The following LRP2 variants were observed in gnomAD, a reference collection of about 807,000 sequenced individuals.
LRP2 encodes low-density lipoprotein receptor-related protein 2.
LRP2 carries 172 observed loss-of-function variants against 531.0 expected under a neutral mutation model. The observed-to-expected ratio is 0.32, with a 90% CI of 0.29 to 0.37. The LOEUF (loss-of-function observed/expected upper bound fraction) is 0.37, where lower values mean the gene tolerates loss of function less well. Ranked by LOEUF, LRP2 falls within the 10% of genes least tolerant of loss-of-function variation. The probability of loss-of-function intolerance (pLI) is 1.00; values close to 1 mark genes in which losing one functional copy is unlikely to be tolerated. For missense variants in LRP2, 5,167 were observed against 5,868.3 expected (o/e 0.88, Z 3.90); for synonymous variants, 1,992 against 2,027.6 (o/e 0.98, Z 0.47).
At position 169,193,761 on chromosome 2, in the gene LRP2, G is replaced by A. The variant is rs956340396; in HGVS notation, c.8830C>T (p.Gln2944Ter). ...MSDEDKRHQC[Q>*]NQNCSDSEFL... ...AGAGGAATTAATTGGCTTCACTTAC[G>A]ACACTGGTGCCTTTTATCCTCGTCA... Residue 2944 changes from glutamine to a stop codon, truncating the protein, a stop_gained and splice_region_variant, in exon 47 of 79, where the codon CAG (glutamine) becomes TAG (stop). Coordinates refer to ENST00000649046, the MANE Select transcript of LRP2 (RefSeq NM_004525.3). LOFTEE classifies it high-confidence loss of function. 1.2e-6 allele frequency: 2 copies of A among 1,614,062 alleles called. No individual in the cohort carries two copies. The highest frequency in any genetic ancestry group is 1.7e-6 in the Non-Finnish European group (2 of 1,179,994).
chr2:169,145,373 A>T (rs1040692759), intron 70 of LRP2, among the ~76,000 whole-genome samples: 1 of 152,238 alleles, frequency 6.6e-6, no homozygotes, highest in Admixed American at 6.5e-5. Context: ...AATGGGAAGG[A>T]TAAGATTTCT....
chr2:169,154,813 A>C (rs1342565133), intron 65 of LRP2, among the ~76,000 whole-genome samples: 1 of 152,170 alleles, frequency 6.6e-6, no homozygotes, highest in Non-Finnish European at 1.5e-5. Context: ...TGGAAAGCTA[A>C]TATGTCTCTT....
intron 4 of LRP2, among the ~76,000 whole-genome samples, chr2:169,299,147 GAAAGAAAGAAAAAAAGAAAGAA>G (rs1559064006): frequency 6.8e-5 from 3 of 43,952 alleles, no homozygotes; most frequent in Non-Finnish European, 1.1e-4. Flanking sequence ...AAGAAAGAAA[GAAAGAAAGAAAAAAAGAAAGAA>G]AGAAAAAGAA....
intron 41 of LRP2, among the ~76,000 whole-genome samples, chr2:169,205,033 T>C (rs969846717): frequency 2.7e-5 from 4 of 146,284 alleles, no homozygotes; most frequent in Non-Finnish European, 5.9e-5. Context: ...AGAAAAGAAT[T>C]TTCTTTTTTT....
In LRP2 at chr2:169,308,892, T is replaced by C. The variant is rs546845078; in HGVS notation, c.311-1495A>G. Reference sequence around the variant, plus strand: ...CATCCTCTCCAGCACCTGTTGTTTCTTGACTTTTTAATGATCACCATTCTA... The same window carrying C: ...CATCCTCTCCAGCACCTGTTGTTTCCTGACTTTTTAATGATCACCATTCTA... On this transcript the variant is annotated intron_variant, in intron 3 of 78. Transcript: ENST00000649046. Among the ~76,000 whole-genome samples, 323 of 151,800 alleles carry C rather than the reference T, an allele frequency of 2.1e-3. 1 individual carries two copies. Among genetic ancestry groups the C allele is most frequent in the Non-Finnish European group, 3.6e-3 (242 of 68,016 alleles).
At chr2:169,137,636 A>G (rs1423697830) in intron 75 of LRP2, 143 bp from the exon 76 acceptor site, 6 of 579,604 alleles carry the variant, frequency 1.0e-5, no homozygotes, top group Non-Finnish European at 1.5e-5. Flanking sequence ...TAAGTTACCC[A>G]AAAGAGAACT....
rs1163006597 is a variant in LRP2 at position 169,211,394 on chromosome 2, TGTAAGCACAAA to T, written c.6280+563_6280+573del. On this transcript the variant is annotated intron_variant, in intron 37 of 78. Transcript: ENST00000649046. Reference sequence around the variant, plus strand: ...GTGATCGTTTCATACATTCACAGTATGTAAGCACAAAGTGCTGCAAAAATATGATTACTAAA... The same window carrying T: ...GTGATCGTTTCATACATTCACAGTATGTGCTGCAAAAATATGATTACTAAA... Among the ~76,000 whole-genome samples the T allele has an allele frequency of 3.4e-4, 52 of 152,344 alleles. 1 individual carries two copies. The highest frequency in any genetic ancestry group is 1.6e-4 in the Non-Finnish European group (11 of 68,036).
intron 38 of LRP2, among the ~76,000 whole-genome samples, chr2:169,209,130 T>C (rs1688504514): frequency 6.6e-6 from 1 of 152,262 alleles, no homozygotes; most frequent in Non-Finnish European, 1.5e-5. Flanking sequence ...ATTTAGAAAA[T>C]TTCTAATGCA....
At chr2:169,182,426 T>C in intron 50 of LRP2, 107 bp from the exon 51 acceptor site, 1 of 1,591,228 alleles carries the variant, frequency 6.3e-7, no homozygotes, top group Non-Finnish European at 8.5e-7. Flanking sequence ...AGACAGTTGT[T>C]AGAAGTCACC....
chr2:169,294,412 A>G, intron 5 of LRP2, 151 bp from the exon 6 acceptor site: 1 of 759,294 alleles, frequency 1.3e-6, no homozygotes, highest in Non-Finnish European at 2.4e-6. Context: ...TTATCCAGGA[A>G]CAAAAAGGCC....
chr2:169,254,445 A>C (rs1690214975), intron 19 of LRP2, among the ~76,000 whole-genome samples: 1 of 71,274 alleles, frequency 1.4e-5, no homozygotes, highest in Non-Finnish European at 2.5e-5. Flanking sequence ...TTGAACAATG[A>C]GATCACATGG....
intron 63 of LRP2, among the ~76,000 whole-genome samples, chr2:169,160,001 T>A (rs1364206009): frequency 6.6e-6 from 1 of 152,198 alleles, no homozygotes; most frequent in Admixed American, 6.5e-5. Context: ...TTGTTTTCAT[T>A]TGAAAATGAT....
intron 15 of LRP2, chr2:169,271,650 C>G: frequency 1.2e-5 from 5 of 406,090 alleles, no homozygotes; most frequent in Non-Finnish European, 1.6e-5. Flanking sequence ...CACACACACA[C>G]ACACAGAAAC....
intron 48 of LRP2, among the ~76,000 whole-genome samples, chr2:169,188,966 C>G (rs1476713199): frequency 6.6e-6 from 1 of 152,152 alleles, no homozygotes; most frequent in East Asian, 1.9e-4. Flanking sequence ...GCATGGCATA[C>G]TGGCAAAGGA....
In LRP2 at chr2:169,198,908, T is replaced by A. The variant is rs1688094173; in HGVS notation, c.8456A>T (p.Asp2819Val). 1.2e-6 allele frequency: 2 copies of A among 1,613,348 alleles called. No individual in the cohort carries two copies. Among genetic ancestry groups the A allele is most frequent in the Non-Finnish European group, 1.7e-6 (2 of 1,179,580 alleles). ...NNTSDEKNCP[D>V]RTCQSGYTKC... is the part of the protein sequence containing the mutation. The stretch of plus-strand genomic sequence containing the variant: ...TGTGTATCCAGACTGGCAAGTGCGA[T>A]CAGCTTGAAAAAGACAACCAGATAA... The change falls in exon 45 of 79, where the codon GAT becomes GTT. Residue 2819 changes from aspartate to valine, a missense_variant. Physicochemically the swap from Asp to Val is radical, Grantham distance 152. Around this residue, in one of 6 missense-constraint regions of LRP2, gnomAD observed 1,129 missense variants for 1,362.7 expected, o/e 0.83. Coordinates refer to ENST00000649046, the MANE Select transcript of LRP2 (RefSeq NM_004525.3).
intron 3 of LRP2, among the ~76,000 whole-genome samples, chr2:169,310,940 G>A (rs1184336053): frequency 1.3e-5 from 2 of 152,158 alleles, no homozygotes; most frequent in Non-Finnish European, 2.9e-5. Flanking sequence ...GAGGGCGTAT[G>A]TGTCAAGGAA....
intron 1 of LRP2, among the ~76,000 whole-genome samples, chr2:169,356,673 G>T (rs572687399): frequency 6.6e-6 from 1 of 152,286 alleles, no homozygotes; most frequent in South Asian, 2.1e-4. Context: ...CACTGTAACT[G>T]TCAAGAAATT....
intron 1 of LRP2, 33 bp downstream of exon 1, chr2:169,362,288 G>T: frequency 1.3e-6 from 2 of 1,522,424 alleles, no homozygotes; most frequent in Non-Finnish European, 1.8e-6. Flanking sequence ...GGGGAAGTGG[G>T]GGCTCCACGA....
intron 6 of LRP2, 71 bp downstream of exon 6, chr2:169,294,076 TA>T: frequency 9.3e-7 from 1 of 1,076,628 alleles, no homozygotes; most frequent in Non-Finnish European, 1.4e-6. Context: ...AGCGGGGGGA[TA>T]AAACAAAACA....
Sources: gnomAD v4.1 joint callset for allele counts (sites outside exome capture counted in the v4.1 genomes callset) on GRCh38, gnomAD v4.1.1 for gene constraint, gnomAD v4.1.1 regional missense constraint, MANE v1.5 for transcripts, NCBI Gene and HGNC (gene_info 2026-07-23, HGNC 2026-07-21) for gene names.